Variants in GALNT17 observed in about 807,000 individuals in gnomAD.
GALNT17 encodes polypeptide N-acetylgalactosaminyltransferase 17.
A neutral mutation model predicts 63.7 loss-of-function variants in GALNT17; 29 were observed. That is an observed-to-expected ratio of 0.46 (90% CI 0.34 to 0.62). GALNT17 has a LOEUF of 0.62. Ranked by LOEUF, GALNT17 falls within the 20% of genes least tolerant of loss-of-function variation. The probability of loss-of-function intolerance (pLI) is 0.01; values close to 1 mark genes in which losing one functional copy is unlikely to be tolerated. For synonymous variants in GALNT17, 305 were observed against 318.3 expected (o/e 0.96, Z 0.45); for missense variants, 603 against 799.6 (o/e 0.75, Z 2.97).
intron 1 of GALNT17, among the ~76,000 whole-genome samples, chr7:71,172,742 C>G (rs1585856605): frequency 6.6e-6 from 1 of 152,168 alleles, no homozygotes; most frequent in Non-Finnish European, 1.5e-5. Context: ...GTCCCCTAGC[C>G]TTGGAATTGC....
At chr7:71,386,403 T>C (rs930633658) in intron 2 of GALNT17, among the ~76,000 whole-genome samples, 1 of 152,146 alleles carries the variant, frequency 6.6e-6, no homozygotes, top group Non-Finnish European at 1.5e-5. Flanking sequence ...TATTGTGCAA[T>C]CTCCCATAAG....
chr7:71,490,607 A>G (rs1049522290), intron 5 of GALNT17, among the ~76,000 whole-genome samples: 2 of 151,924 alleles, frequency 1.3e-5, no homozygotes, highest in African/African-American at 4.8e-5. Flanking sequence ...TCTACAAAAT[A>G]TAAACAAATT....
At chr7:71,339,363 A>G (rs1563015893) in intron 2 of GALNT17, among the ~76,000 whole-genome samples, 1 of 152,182 alleles carries the variant, frequency 6.6e-6, no homozygotes, top group Non-Finnish European at 1.5e-5. Context: ...GTTTGAGATA[A>G]TGCTTGAAGG....
chr7:71,325,371 T>TAG (rs925852633), intron 1 of GALNT17, among the ~76,000 whole-genome samples: 5 of 151,954 alleles, frequency 3.3e-5, no homozygotes, highest in Admixed American at 1.3e-4. Flanking sequence ...CTCTTTGGCT[T>TAG]AGAGAGAGAG....
chr7:71,160,133 CAG>C (rs1788315134), intron 1 of GALNT17, among the ~76,000 whole-genome samples: 2 of 151,942 alleles, frequency 1.3e-5, no homozygotes, highest in South Asian at 2.1e-4. Context: ...ATTGGGGAAA[CAG>C]GGAAAAATGG....
chr7:71,367,142 G>T (rs567805671), intron 2 of GALNT17, among the ~76,000 whole-genome samples: 1 of 152,206 alleles, frequency 6.6e-6, no homozygotes, highest in South Asian at 2.1e-4. Context: ...ATTCCTCTTT[G>T]ACCCTGGATT....
intron 1 of GALNT17, among the ~76,000 whole-genome samples, chr7:71,203,291 C>T (rs1200169252): frequency 6.6e-6 from 1 of 152,172 alleles, no homozygotes; most frequent in Non-Finnish European, 1.5e-5. Context: ...TCCTTTTTCT[C>T]CACATCCAAC....
At chr7:71,188,418 C>T (rs1483155973) in intron 1 of GALNT17, among the ~76,000 whole-genome samples, 2 of 152,028 alleles carry the variant, frequency 1.3e-5, no homozygotes. Flanking sequence ...TTGATTATGG[C>T]GATTCTTGCG....
intron 5 of GALNT17, among the ~76,000 whole-genome samples, chr7:71,477,880 A>C (rs2116632837): frequency 6.6e-6 from 1 of 152,266 alleles, no homozygotes; most frequent in African/African-American, 2.4e-5. Context: ...CATTTCTGCA[A>C]ATCTTGCCGA....
At chr7:71,488,223 G>T (rs985497937) in intron 5 of GALNT17, among the ~76,000 whole-genome samples, 1 of 150,834 alleles carries the variant, frequency 6.6e-6, no homozygotes. Context: ...TAGACAGTGC[G>T]CCCAAGAACC....
At chr7:71,300,928 A>G (rs1196077473) in intron 1 of GALNT17, 1 of 152,788 alleles carries the variant, frequency 6.5e-6, no homozygotes, top group Non-Finnish European at 1.5e-5. Flanking sequence ...TGTATCATCA[A>G]CCACTTATTC....
At chr7:71,589,075 G>T (rs1562702146) in intron 6 of GALNT17, among the ~76,000 whole-genome samples, 1 of 152,136 alleles carries the variant, frequency 6.6e-6, no homozygotes, top group Non-Finnish European at 1.5e-5. Context: ...GCAGAGAACA[G>T]AATGGACTGC....
chr7:71,616,008 C>T (rs73702237), intron 6 of GALNT17, among the ~76,000 whole-genome samples: 6,330 of 152,054 alleles, frequency 0.042, 428 homozygotes, highest in African/African-American at 0.14. Context: ...TCAGAAACCT[C>T]GATCCCAGTT....
intron 3 of GALNT17, among the ~76,000 whole-genome samples, chr7:71,397,120 A>G (rs1361605009): frequency 6.6e-6 from 1 of 152,088 alleles, no homozygotes; most frequent in East Asian, 1.9e-4. Flanking sequence ...TTGCTTAATT[A>G]CCTCCTCTAT....
intron 5 of GALNT17, among the ~76,000 whole-genome samples, chr7:71,472,720 TA>T (rs1787655380): frequency 6.7e-6 from 1 of 150,318 alleles, no homozygotes; most frequent in African/African-American, 2.5e-5. Context: ...CTAAAATAAA[TA>T]AAAATTAAAA....
At chr7:71,177,135 C>G (rs10256533) in intron 1 of GALNT17, among the ~76,000 whole-genome samples, 39,790 of 151,682 alleles carry the variant, frequency 0.26, 9,683 homozygotes, top group African/African-American at 0.65. Flanking sequence ...TGTCGGAGAG[C>G]GGGGCCAAGC....
intron 2 of GALNT17, among the ~76,000 whole-genome samples, chr7:71,357,980 A>C (rs776800655): frequency 7.2e-5 from 11 of 152,182 alleles, no homozygotes; most frequent in Non-Finnish European, 1.2e-4. Context: ...GGAACATGGG[A>C]GGGGACAAAT....
Position 71,491,603 on chromosome 7 carries a change from C to T in GALNT17, c.962+70498C>T, listed in dbSNP as rs577340259. Among the ~76,000 whole-genome samples, 139 of 152,236 alleles carry T rather than the reference C, an allele frequency of 9.1e-4. No individual in the cohort carries two copies. In the Middle Eastern group the frequency reaches 0.01, roughly 11 times the overall value. ...GGTTAGCTTGCTGAAGTGGCCTTAGCGGCAGACTCCAGTCCATCCTGATGC... is the reference window on the plus strand; with the variant it reads ...GGTTAGCTTGCTGAAGTGGCCTTAGTGGCAGACTCCAGTCCATCCTGATGC... On this transcript the variant is annotated intron_variant, in intron 5 of 10. Coordinates refer to ENST00000333538, the MANE Select transcript of GALNT17 (RefSeq NM_022479.3).
intron 6 of GALNT17, among the ~76,000 whole-genome samples, chr7:71,646,138 A>G (rs1790672311): frequency 1.3e-5 from 2 of 152,202 alleles, no homozygotes; most frequent in South Asian, 4.1e-4. Flanking sequence ...GGAACAGAGA[A>G]CAGCATTTCT....
Sources: gnomAD v4.1 joint callset for allele counts (sites outside exome capture counted in the v4.1 genomes callset) on GRCh38, gnomAD v4.1.1 for gene constraint, MANE v1.5 for transcripts, NCBI Gene and HGNC (gene_info 2026-07-23, HGNC 2026-07-21) for gene names.